The following ADAM12 variants were observed in gnomAD, a reference collection of about 807,000 sequenced individuals.
ADAM12 encodes the protein disintegrin and metalloproteinase domain-containing protein 12.
ADAM12 carries 70 observed loss-of-function variants against 106.4 expected under a neutral mutation model. The observed-to-expected ratio is 0.66, with a 90% confidence interval of 0.54 to 0.80. The LOEUF (loss-of-function observed/expected upper bound fraction) is 0.80. ADAM12 is among the 30% of genes least tolerant of loss of function. ADAM12 has a pLI of 0.00. For synonymous variants in ADAM12, 420 were observed against 433.5 expected, an observed-to-expected ratio of 0.97 and a Z score of 0.39; for missense variants, 1,010 against 1,171.9, an observed-to-expected ratio of 0.86 and a Z score of 2.02.
At chr10:126,039,800 C>CA (rs141810957) in intron 18 of ADAM12, among the ~76,000 whole-genome samples, 3,387 of 152,334 alleles carry the variant, frequency 0.022, 111 homozygotes, top group African/African-American at 0.073. Context: ...TCCCCAGGCT[C>CA]AAATGTTTCC....
intron 21 of ADAM12, among the ~76,000 whole-genome samples, chr10:126,034,389 T>G (rs1954021691): frequency 6.6e-6 from 1 of 152,116 alleles, no homozygotes; most frequent in Non-Finnish European, 1.5e-5. Flanking sequence ...ATGCTGAGGT[T>G]GAGAAACTGC....
intron 3 of ADAM12, among the ~76,000 whole-genome samples, chr10:126,160,325 G>C (rs542818030): frequency 6.6e-6 from 1 of 152,018 alleles, no homozygotes; most frequent in African/African-American, 2.4e-5. Flanking sequence ...ACAAAAACAC[G>C]CAATGATATG....
At chr10:126,272,522 G>T (rs548449381) in intron 3 of ADAM12, among the ~76,000 whole-genome samples, 4 of 152,264 alleles carry the variant, frequency 2.6e-5, no homozygotes, top group African/African-American at 9.6e-5. Flanking sequence ...TTATTAATAA[G>T]ATATTAATAA....
intron 3 of ADAM12, among the ~76,000 whole-genome samples, chr10:126,208,832 T>C (rs1335307124): frequency 6.9e-6 from 1 of 145,966 alleles, no homozygotes; most frequent in East Asian, 2.1e-4. Context: ...CACTGCGGGA[T>C]AGAAAGGAGA....
intron 3 of ADAM12, among the ~76,000 whole-genome samples, chr10:126,162,931 G>A (rs956922051): frequency 2.0e-5 from 3 of 152,148 alleles, no homozygotes; most frequent in Non-Finnish European, 4.4e-5. Flanking sequence ...TTGTGGGGGC[G>A]GATCCTTGAT....
Position 126,038,221 on chromosome 10 carries a change from C to G in ADAM12, c.2349+20G>C, listed in dbSNP as rs1164351676. On this transcript the variant is annotated intron_variant, in intron 20 of 22. Transcript: ENST00000448723. ...TGTCTGCATGTGTGCCCTGAGCACT[C>G]ACATCTACTCAAGACTCACCTTCGG... 3 of 1,587,698 alleles carry G rather than the reference C, an allele frequency of 1.9e-6. No individual in the cohort carries two copies. The highest frequency in any genetic ancestry group is 1.7e-5 in the Admixed American group (1 of 57,640).
At chr10:126,238,763 T>A (rs922017805) in intron 3 of ADAM12, among the ~76,000 whole-genome samples, 1 of 152,182 alleles carries the variant, frequency 6.6e-6, no homozygotes, top group Non-Finnish European at 1.5e-5. Flanking sequence ...CAACAGCTCA[T>A]AAAATAAATC....
At position 126,248,237 on chromosome 10, in the gene ADAM12, C is replaced by T. The variant is rs567120140; in HGVS notation, c.260+30678G>A. Among the ~76,000 whole-genome samples the T allele has an allele frequency of 2.6e-5, 4 of 152,298 alleles. No individual in the cohort carries two copies. The East Asian group carries it at 7.7e-4, about 29-fold the overall frequency. Reference sequence around the variant, plus strand: ...TCTTTCCAGGGTGATGCCGACTTCACATGTCAGGAATTTGTCTAGGTACTC... The same window carrying T: ...TCTTTCCAGGGTGATGCCGACTTCATATGTCAGGAATTTGTCTAGGTACTC... On this transcript the variant is annotated intron_variant, in intron 3 of 22. Coordinates refer to ENST00000448723, the MANE Select transcript of ADAM12 (RefSeq NM_001288973.2).
chr10:126,270,528 A>G (rs561028807), intron 3 of ADAM12, among the ~76,000 whole-genome samples: 2 of 152,362 alleles, frequency 1.3e-5, no homozygotes, highest in African/African-American at 4.8e-5. Context: ...TTTTATTTAA[A>G]TTAAACTTAA....
At chr10:126,153,558 TTTAA>T (rs1360535422) in intron 4 of ADAM12, among the ~76,000 whole-genome samples, 2 of 152,212 alleles carry the variant, frequency 1.3e-5, no homozygotes, top group East Asian at 3.8e-4. Context: ...TTCTGTTCTC[TTTAA>T]TTTTTTTTCT....
chr10:126,361,614 G>C (rs1400580566), intron 1 of ADAM12, among the ~76,000 whole-genome samples: 1 of 152,110 alleles, frequency 6.6e-6, no homozygotes, highest in Non-Finnish European at 1.5e-5. Context: ...ATAGAACAGA[G>C]AGCCCAGAAA....
intron 3 of ADAM12, among the ~76,000 whole-genome samples, chr10:126,245,994 T>C (rs1210632370): frequency 1.3e-5 from 2 of 151,458 alleles, no homozygotes; most frequent in Non-Finnish European, 2.9e-5. Context: ...ACAGAGAAAA[T>C]AGTTGGATTG....
At chr10:126,308,931 G>C (rs765429379) in intron 2 of ADAM12, among the ~76,000 whole-genome samples, 1 of 152,198 alleles carries the variant, frequency 6.6e-6, no homozygotes, top group Non-Finnish European at 1.5e-5. Context: ...TCTGGGACAA[G>C]TAGAGAGATG....
intron 3 of ADAM12, among the ~76,000 whole-genome samples, chr10:126,211,508 C>T (rs1351355729): frequency 6.6e-6 from 1 of 150,384 alleles, no homozygotes; most frequent in Non-Finnish European, 1.5e-5. Context: ...ACGTGATCCT[C>T]GACCTGCCAG....
At chr10:126,232,258 A>G (rs925384789) in intron 3 of ADAM12, among the ~76,000 whole-genome samples, 4 of 152,132 alleles carry the variant, frequency 2.6e-5, no homozygotes, top group African/African-American at 9.7e-5. Context: ...AGAGAGAGAA[A>G]TTAGAAGATG....
intron 8 of ADAM12, among the ~76,000 whole-genome samples, chr10:126,108,352 C>A (rs1565063531): frequency 6.6e-6 from 1 of 152,094 alleles, no homozygotes; most frequent in Non-Finnish European, 1.5e-5. Flanking sequence ...TTCCACCTGA[C>A]CGGAAGAGAG....
At chr10:126,243,640 T>C (rs1191842500) in intron 3 of ADAM12, among the ~76,000 whole-genome samples, 2 of 152,204 alleles carry the variant, frequency 1.3e-5, no homozygotes, top group Non-Finnish European at 2.9e-5. Context: ...TGACTTCTTT[T>C]AGGGGGATAA....
At position 126,369,410 on chromosome 10, in the gene ADAM12, G is replaced by C. The variant is rs370246869; in HGVS notation, c.88+18648C>G. ...TTAGAATGTGATAAGTGCTCTGACA[G>C]AGACATAGCATTTTGAGAACATTTA... On this transcript the variant is annotated intron_variant, in intron 1 of 22. Transcript: ENST00000448723. 2.0e-5 allele frequency among the ~76,000 whole-genome samples: 3 copies of C among 152,186 alleles called. No homozygotes were observed. The East Asian group carries it at 5.8e-4, about 29-fold the overall frequency.
At chr10:126,191,302 G>A (rs1206780603) in intron 3 of ADAM12, among the ~76,000 whole-genome samples, 3 of 151,986 alleles carry the variant, frequency 2.0e-5, no homozygotes, top group Non-Finnish European at 2.9e-5. Context: ...TCTATGAGGA[G>A]CCTTTATGGG....
Sources: gnomAD v4.1 joint callset for allele counts (sites outside exome capture counted in the v4.1 genomes callset) on GRCh38, gnomAD v4.1.1 for gene constraint, MANE v1.5 for transcripts, NCBI Gene and HGNC (gene_info 2026-07-23, HGNC 2026-07-21) for gene names.